PCDHGA6: variants seen among roughly 807,000 people sequenced by gnomAD.
PCDHGA6 encodes the protein protocadherin gamma subfamily A, 6, also known as protocadherin gamma-A6.
PCDHGA6 carries 41 observed loss-of-function variants against 60.6 expected under a neutral mutation model. The observed-to-expected ratio is 0.68, with a 90% CI of 0.53 to 0.88. The LOEUF is 0.88. Among genes scored for constraint, PCDHGA6 ranks in the 40% least tolerant of loss-of-function variants. PCDHGA6 has a pLI of 0.00. For synonymous variants in PCDHGA6, 594 were observed against 524.4 expected, an observed-to-expected ratio of 1.13 and a Z score of -1.81; for missense variants, 1,312 against 1,203.0, an observed-to-expected ratio of 1.09 and a Z score of -1.34.
intron 1 of PCDHGA6, chr5:141,394,162 C>T: frequency 6.2e-7 from 1 of 1,613,904 alleles, no homozygotes; most frequent in Non-Finnish European, 8.5e-7. Context: ...GACAACCCTC[C>T]TACTTTCCCT....
At chr5:141,449,252 T>C (rs1401555556) in intron 1 of PCDHGA6, among the ~76,000 whole-genome samples, 1 of 152,144 alleles carries the variant, frequency 6.6e-6, no homozygotes, top group Non-Finnish European at 1.5e-5. Flanking sequence ...GTTGCAAGAA[T>C]TGTACAAAGA....
chr5:141,389,265 G>C (rs1452714844), intron 1 of PCDHGA6: 1 of 1,614,004 alleles, frequency 6.2e-7, no homozygotes, highest in East Asian at 2.2e-5. Flanking sequence ...CCACGTGGCC[G>C]AGAACAACCC....
chr5:141,374,135 A>G lies in PCDHGA6; in HGVS notation c.52A>G (p.Thr18Ala), dbSNP rs564020884. 17 of 1,605,796 alleles carry G rather than the reference A, an allele frequency of 1.1e-5. No homozygotes were observed. The highest frequency in any genetic ancestry group is 1.4e-5 in the Non-Finnish European group (17 of 1,174,762). Residue 18 changes from threonine to alanine, a missense_variant, in exon 1 of 4, where the codon ACG becomes GCG. Coordinates refer to ENST00000517434, the MANE Select transcript of PCDHGA6 (RefSeq NM_018919.3). The stretch of plus-strand genomic sequence containing the variant: ...GCGCAGCGAGCAGGTCCTGCTCCTC[A>G]CGCTCCTGGGGACGCTGTGGGGGGC... ...PQRSEQVLLL[T>A]LLGTLWGAAA...
intron 1 of PCDHGA6, chr5:141,413,459 A>G: frequency 6.2e-7 from 1 of 1,614,080 alleles, no homozygotes; most frequent in Non-Finnish European, 8.5e-7. Flanking sequence ...GGCAGGATAG[A>G]CCGGGAGGAG....
Position 141,375,323 on chromosome 5 carries a change from G to A in PCDHGA6, c.1240G>A (p.Glu414Lys). ...LVTNAALDRE[E>K]VFLYNITVTA... ...GACAAATGCAGCTCTAGACCGGGAA[G>A]AGGTATTCTTGTACAACATCACTGT... The change falls in exon 1 of 4, where the codon GAG becomes AAG. Residue 414 changes from glutamate (E) to lysine (K), a missense_variant. Coordinates refer to ENST00000517434, the MANE Select transcript of PCDHGA6 (RefSeq NM_018919.3). 6.2e-7 allele frequency: 1 copy of A among 1,613,814 alleles called. No homozygotes were observed. The highest frequency in any genetic ancestry group is 8.5e-7 in the Non-Finnish European group (1 of 1,179,892).
Position 141,375,314 on chromosome 5 carries a change from G to T in PCDHGA6, c.1231G>T (p.Asp411Tyr). 2 of 1,613,798 alleles carry T rather than the reference G, an allele frequency of 1.2e-6. No homozygotes were observed. The highest frequency in any genetic ancestry group is 1.7e-6 in the Non-Finnish European group (2 of 1,179,896). Residue 411 changes from aspartate to tyrosine, a missense_variant, in exon 1 of 4, where the codon GAC becomes TAC. By Grantham distance (160) the Asp-to-Tyr change is radical (BLOSUM62 -3). Transcript: ENST00000517434. ...TCGATTAGTGACAAATGCAGCTCTA[G>T]ACCGGGAAGAGGTATTCTTGTACAA... ...YYRLVTNAAL[D>Y]REEVFLYNIT...
chr5:141,392,757 AAT>A, intron 1 of PCDHGA6: 1 of 1,471,072 alleles, frequency 6.8e-7, no homozygotes, highest in African/African-American at 1.4e-5. Flanking sequence ...CAAGAAACTA[AAT>A]AAGACCCATT....
Position 141,485,730 on chromosome 5 carries a change from G to A in PCDHGA6, c.2425-9077G>A. On this transcript the variant is annotated intron_variant, in intron 1 of 3. Coordinates refer to ENST00000517434, the MANE Select transcript of PCDHGA6 (RefSeq NM_018919.3). This position sits in a 1 kb window ranked among gnomAD's most constrained non-coding sequence, Gnocchi z 5.7. ...TTTGCACTGGATGTGAAGAAGCGCA[G>A]CGACGGCAGCCTGGTCCCAGAGCTG... is the stretch of plus-strand genomic sequence containing the variant. 1 of 1,614,200 alleles carries A rather than the reference G, an allele frequency of 6.2e-7. No individual in the cohort carries two copies. Among genetic ancestry groups the A allele is most frequent in the Non-Finnish European group, 8.5e-7 (1 of 1,180,024 alleles).
Position 141,477,354 on chromosome 5 carries a change from C to T in PCDHGA6, c.2425-17453C>T, listed in dbSNP as rs1164062950. On this transcript the variant is annotated intron_variant, in intron 1 of 3. Coordinates refer to ENST00000517434, the MANE Select transcript of PCDHGA6 (RefSeq NM_018919.3). This position sits in a 1 kb window ranked among gnomAD's most constrained non-coding sequence, Gnocchi z 4.9. ...AATTACTTCACTTTGAAAACCAGTG[C>T]AGACCTGGATCGGGAGACTGTGCCA... 14 of 1,614,202 alleles carry T rather than the reference C, an allele frequency of 8.7e-6. No homozygotes were observed. The highest frequency in any genetic ancestry group is 1.1e-5 in the Non-Finnish European group (13 of 1,180,036).
At chr5:141,509,376 C>A (rs2099876528) in intron 3 of PCDHGA6, among the ~76,000 whole-genome samples, 1 of 152,122 alleles carries the variant, frequency 6.6e-6, no homozygotes, top group African/African-American at 2.4e-5. Flanking sequence ...TTAACTGTCT[C>A]CTAACCACAG....
At position 141,408,728 on chromosome 5, in the gene PCDHGA6, C is replaced by T. The variant is rs371316574; in HGVS notation, c.2424+32221C>T. ...TAAAGATTATAAGATAAACTCTAAT[C>T]CTTATTTTTCATTAATGGTTAGAGT... On this transcript the variant is annotated intron_variant, in intron 1 of 3. Transcript: ENST00000517434. 6.2e-7 allele frequency: 1 copy of T among 1,610,292 alleles called. No homozygotes were observed. Among genetic ancestry groups the T allele is most frequent in the African/African-American group, 1.3e-5 (1 of 74,802 alleles).
chr5:141,381,889 G>A (rs1385598954), intron 1 of PCDHGA6, among the ~76,000 whole-genome samples: 2 of 132,634 alleles, frequency 1.5e-5, no homozygotes, highest in Non-Finnish European at 3.1e-5. Context: ...GAGTGCAATG[G>A]TGTGATCTCG....
intron 1 of PCDHGA6, among the ~76,000 whole-genome samples, chr5:141,437,629 G>A (rs538730617): frequency 6.6e-6 from 1 of 152,284 alleles, no homozygotes; most frequent in Non-Finnish European, 1.5e-5. Flanking sequence ...CATATAAGAT[G>A]TCAGGTTCAG....
chr5:141,393,085 ATCGGGAGGAGC>A (rs2092673421), intron 1 of PCDHGA6: 1 of 1,613,542 alleles, frequency 6.2e-7, no homozygotes, highest in African/African-American at 1.3e-5. Flanking sequence ...GGCAGGATAG[ATCGGGAGGAGC>A]TCTGCGCTCA....
At position 141,465,659 on chromosome 5, in the gene PCDHGA6, T is replaced by C. The variant is rs184749770; in HGVS notation, c.2425-29148T>C. Among the ~76,000 whole-genome samples the C allele has an allele frequency of 3.5e-4, 53 of 152,318 alleles. 1 individual carries two copies. Among genetic ancestry groups the C allele is most frequent in the African/African-American group, 1.2e-3 (50 of 41,576 alleles). ...TGCTTTGAACATCCCAAAAAAGCGC[T>C]TGCCATGACATTTGCTCTTGACCAG... On this transcript the variant is annotated intron_variant, in intron 1 of 3. Transcript: ENST00000517434.
rs2099686717 is a variant in PCDHGA6, at chr5:141,489,403, A to C, written c.2425-5404A>C. The C allele has an allele frequency of 6.2e-7, 1 of 1,614,172 alleles. No homozygotes were observed. Among genetic ancestry groups the C allele is most frequent in the East Asian group, 2.2e-5 (1 of 44,884 alleles). On this transcript the variant is annotated intron_variant, in intron 1 of 3. Coordinates refer to ENST00000517434, the MANE Select transcript of PCDHGA6 (RefSeq NM_018919.3). The surrounding 1 kb of genome is among the most constrained non-coding windows in gnomAD (Gnocchi z 4.5). ...GAATGTTGCTCAGGATCTGGGCTTA[A>C]AGATGACAGATCTGTTGAGCCGGCG...
At chr5:141,378,342 G>T (rs1774822998) in intron 1 of PCDHGA6, 1 of 152,204 alleles carries the variant, frequency 6.6e-6, no homozygotes, top group African/African-American at 2.4e-5. Context: ...GACCAACATG[G>T]TGAAACCCCG....
intron 1 of PCDHGA6, chr5:141,422,206 G>A (rs1269700250): frequency 6.4e-7 from 1 of 1,562,324 alleles, no homozygotes; most frequent in Non-Finnish European, 8.6e-7. Flanking sequence ...AGATGGTGGA[G>A]GTCTCTTTAC....
chr5:141,402,816 C>T, intron 1 of PCDHGA6: 1 of 1,261,762 alleles, frequency 7.9e-7, no homozygotes, highest in South Asian at 1.7e-5. Flanking sequence ...ATACCACAAA[C>T]CTGCTCCCAG....
Sources: gnomAD v4.1 joint callset for allele counts (sites outside exome capture counted in the v4.1 genomes callset) on GRCh38, gnomAD v4.1.1 for gene constraint, Gnocchi (gnomAD v3.1) non-coding constraint, MANE v1.5 for transcripts, NCBI Gene and HGNC (gene_info 2026-07-23, HGNC 2026-07-21) for gene names.